The following MPRIP variants were observed in gnomAD, a reference collection of about 807,000 sequenced individuals.
The protein encoded by MPRIP is myosin phosphatase Rho interacting protein.
MPRIP carries 59 observed loss-of-function variants against 234.9 expected under a neutral mutation model. The observed-to-expected ratio is 0.25, with a 90% confidence interval of 0.20 to 0.31. MPRIP has a LOEUF of 0.31. MPRIP is among the 10% of genes least tolerant of loss of function. The pLI, the probability that MPRIP is intolerant of heterozygous loss-of-function variation, is 1.00. For synonymous variants in MPRIP, 1,144 were observed against 1,263.9 expected (o/e 0.91, Z 2.01); for missense variants, 2,436 against 3,071.0 (o/e 0.79, Z 4.89).
intron 12 of MPRIP, among the ~76,000 whole-genome samples, chr17:17,151,011 TA>T: frequency 2.5e-5 from 1 of 40,276 alleles, no homozygotes; most frequent in Non-Finnish European, 1.3e-4. Context: ...ATGCCCAGCT[TA>T]TTATTATTAT....
chr17:17,067,584 T>C (rs1463591938), intron 1 of MPRIP, among the ~76,000 whole-genome samples: 1 of 152,186 alleles, frequency 6.6e-6, no homozygotes, highest in East Asian at 1.9e-4. Context: ...AAGGCTGTGG[T>C]TGACCGTGGG....
chr17:17,101,366 G>A (rs1227785907), intron 3 of MPRIP, among the ~76,000 whole-genome samples: 1 of 152,200 alleles, frequency 6.6e-6, no homozygotes, highest in Non-Finnish European at 1.5e-5. Context: ...AGGAGTTCGA[G>A]ACCAGCCTGG....
chr17:17,067,790 CTTT>C (rs35187618), intron 1 of MPRIP, among the ~76,000 whole-genome samples: 5,726 of 76,624 alleles, frequency 0.075, 467 homozygotes, highest in African/African-American at 0.24. Flanking sequence ...CTTCTTCTTC[CTTT>C]TTTTTTTTTT....
At chr17:17,126,565 G>A (rs2090493564) in intron 3 of MPRIP, 137 bp from the exon 4 acceptor site, 2 of 997,776 alleles carry the variant, frequency 2.0e-6, no homozygotes, top group Admixed American at 5.3e-5. Flanking sequence ...CACAAAGGAA[G>A]AGGAGCTGGG....
intron 3 of MPRIP, among the ~76,000 whole-genome samples, chr17:17,083,685 G>A (rs985215981): frequency 1.3e-5 from 2 of 152,172 alleles, no homozygotes; most frequent in African/African-American, 4.8e-5. Flanking sequence ...TGCAGGGCGA[G>A]GCTGGGAAAC....
chr17:17,155,236 CT>C (rs984565578), intron 13 of MPRIP, among the ~76,000 whole-genome samples: 1 of 151,264 alleles, frequency 6.6e-6, no homozygotes, highest in African/African-American at 2.4e-5. Flanking sequence ...TCCATGGAAG[CT>C]TTGACCTAAA....
intron 21 of MPRIP, among the ~76,000 whole-genome samples, chr17:17,176,919 A>G (rs557809080): frequency 2.5e-4 from 38 of 152,316 alleles, no homozygotes; most frequent in African/African-American, 8.4e-4. Flanking sequence ...AATCTAGGAC[A>G]CAGAGAGGAT....
At chr17:17,146,222 C>G in intron 10 of MPRIP, 130 bp downstream of exon 10, 1 of 804,166 alleles carries the variant, frequency 1.2e-6, no homozygotes, top group Non-Finnish European at 2.1e-6. Context: ...GTCTTCATGA[C>G]CAGGGCTGTG....
chr17:17,165,803 G>A lies in MPRIP; in HGVS notation c.4212G>A (p.Leu1404=), dbSNP rs1004320580. 18 of 1,304,250 alleles carry A rather than the reference G, an allele frequency of 1.4e-5. No individual in the cohort carries two copies. The highest frequency in any genetic ancestry group is 4.6e-5 in the African/African-American group (3 of 65,892). 80.8% of individuals were successfully genotyped at this position (1,304,250 alleles called of 1,614,324 possible). ...EEKLKDVTVR[L]ESQQGQSREA... is the part of the protein sequence containing the mutation. Reference sequence around the variant, plus strand: ...AGCTCAAAGACGTGACCGTGAGGCTGGAGAGCCAGCAGGGTCAGAGCCGTG... The same window carrying A: ...AGCTCAAAGACGTGACCGTGAGGCTAGAGAGCCAGCAGGGTCAGAGCCGTG... Residue 1404 remains leucine (L), a synonymous_variant, in exon 16 of 24, where the codon CTG becomes CTA. Transcript: ENST00000651222.
At chr17:17,181,924 G>A (rs1179187094) in intron 23 of MPRIP, 1 of 152,258 alleles carries the variant, frequency 6.6e-6, no homozygotes, top group African/African-American at 2.4e-5. Flanking sequence ...AGGATGGAGA[G>A]AAACCCCAGG....
At chr17:17,064,026 G>A (rs12602129) in intron 1 of MPRIP, among the ~76,000 whole-genome samples, 12,580 of 152,184 alleles carry the variant, frequency 0.083, 732 homozygotes, top group East Asian at 0.16. Context: ...CTTGAGAGAA[G>A]GGATGTGGGT....
intron 3 of MPRIP, among the ~76,000 whole-genome samples, chr17:17,109,840 A>G (rs1263031275): frequency 6.6e-6 from 1 of 152,216 alleles, no homozygotes; most frequent in African/African-American, 2.4e-5. Flanking sequence ...ACAGGTGCAC[A>G]TGCGGATGGG....
chr17:17,167,841 C>A lies in MPRIP; in HGVS notation c.6250C>A (p.Leu2084Met), dbSNP rs1231028116. Residue 2084 changes from leucine to methionine, a missense_variant, in exon 16 of 24, where the codon CTG becomes ATG. By Grantham distance (15) the Leu-to-Met change is conservative (BLOSUM62 2). This residue lies in a region of MPRIP where 1,998 missense variants were observed against 2,520.3 expected (regional missense o/e 0.79). Coordinates refer to ENST00000651222, the MANE Select transcript of MPRIP (RefSeq NM_001364716.4). This position sits in a 1 kb window ranked among gnomAD's most constrained non-coding sequence, Gnocchi z 5.9. ...CCAGATGGATGTCATGCGGGAGGAGCTGGGACACAAGGACCTGGAGGGCGA... is the reference window on the plus strand; with the variant it reads ...CCAGATGGATGTCATGCGGGAGGAGATGGGACACAAGGACCTGGAGGGCGA... ...EAQMDVMREE[L>M]GHKDLEGDAA... 7.7e-7 allele frequency: 1 copy of A among 1,304,266 alleles called. No homozygotes were observed. Among genetic ancestry groups the A allele is most frequent in the Non-Finnish European group, 1.0e-6 (1 of 988,968 alleles). The allele number at this position is 1,304,266 out of a possible 1,614,324, so 80.8% of individuals were successfully genotyped here. A position where few individuals can be genotyped will look rare whatever the true frequency, so the allele number is the denominator to read the frequency against.
Position 17,084,445 on chromosome 17 carries a change from C to G in MPRIP, c.267+6369C>G, listed in dbSNP as rs1238785843. Among the ~76,000 whole-genome samples the G allele has an allele frequency of 2.0e-5, 3 of 152,222 alleles. No individual in the cohort carries two copies. In the East Asian group the frequency reaches 5.8e-4, roughly 29 times the overall value. On this transcript the variant is annotated intron_variant, in intron 3 of 23. Coordinates refer to ENST00000651222, the MANE Select transcript of MPRIP (RefSeq NM_001364716.4). ...CTTGCTGGCACTTTCTGCCCATTCT[C>G]TATCCTACTTCTCACAATGGTAGAT...
chr17:17,095,284 G>A (rs1207406508), intron 3 of MPRIP, among the ~76,000 whole-genome samples: 1 of 152,136 alleles, frequency 6.6e-6, no homozygotes, highest in Non-Finnish European at 1.5e-5. Context: ...CGAATGAGTG[G>A]CGACCCTTCA....
rs369936109 is a variant in MPRIP at position 17,180,549 on chromosome 17, G to A, written c.7206+461G>A. On this transcript the variant is annotated intron_variant, in intron 23 of 23. Coordinates refer to ENST00000651222, the MANE Select transcript of MPRIP (RefSeq NM_001364716.4). Reference sequence around the variant, plus strand: ...CAGGAGGGCGGGCGGAGGTGGGAGCGGCACCGCGTGTGTTTGGGATTGGTT... The same window carrying A: ...CAGGAGGGCGGGCGGAGGTGGGAGCAGCACCGCGTGTGTTTGGGATTGGTT... 2.6e-4 allele frequency: 387 copies of A among 1,505,546 alleles called. 1 individual carries two copies. Among genetic ancestry groups the A allele is most frequent in the Middle Eastern group, 2.2e-3 (13 of 5,860 alleles). 93.3% of individuals were successfully genotyped at this position (1,505,546 alleles called of 1,614,324 possible).
Position 17,180,105 on chromosome 17 carries a change from G to A in MPRIP, c.7206+17G>A, listed in dbSNP as rs766715896. ...AGGTCCAAGGTGAGTCTGGGGTCCAGCCCCCTGGTGGGAGGGGCTTGAGGG... is the reference window on the plus strand; with the variant it reads ...AGGTCCAAGGTGAGTCTGGGGTCCAACCCCCTGGTGGGAGGGGCTTGAGGG... On this transcript the variant is annotated intron_variant, in intron 23 of 23. Transcript: ENST00000651222. The A allele has an allele frequency of 6.4e-7, 1 of 1,558,412 alleles. No homozygotes were observed. Among genetic ancestry groups the A allele is most frequent in the Non-Finnish European group, 8.7e-7 (1 of 1,155,878 alleles).
chr17:17,163,066 C>A (rs1769874480), intron 15 of MPRIP, among the ~76,000 whole-genome samples: 1 of 152,168 alleles, frequency 6.6e-6, no homozygotes, highest in Non-Finnish European at 1.5e-5. Flanking sequence ...TTCTCACCAC[C>A]CTTTATGCTT....
At chr17:17,063,368 A>T (rs2088924438) in intron 1 of MPRIP, among the ~76,000 whole-genome samples, 1 of 152,192 alleles carries the variant, frequency 6.6e-6, no homozygotes, top group Admixed American at 6.5e-5. Context: ...TGGTGTTGTG[A>T]GAGAGAAGGA....
Sources: allele counts gnomAD v4.1 joint callset (sites outside exome capture counted in the v4.1 genomes callset), GRCh38; gene constraint gnomAD v4.1.1; regional missense constraint gnomAD v4.1.1; non-coding constraint Gnocchi (gnomAD v3.1); transcripts MANE v1.5; gene names NCBI Gene and HGNC (gene_info 2026-07-23, HGNC 2026-07-21).